Variants in TPGS2 observed in about 807,000 individuals in gnomAD.
The protein encoded by TPGS2 is tubulin polyglutamylase complex subunit 2, also known as polyglutamylase subunit 2.
TPGS2 carries 26 observed loss-of-function variants against 31.1 expected under a neutral mutation model. The ratio of observed to expected loss-of-function variants is 0.84; its 90% CI spans 0.61 to 1.16. TPGS2 has a LOEUF of 1.16. Ranked by LOEUF, TPGS2 falls within the 50% of genes most tolerant of loss-of-function variation. TPGS2 has a pLI of 0.00. For missense variants in TPGS2, 351 were observed against 363.8 expected, an observed-to-expected ratio of 0.96 and a Z score of 0.29; for synonymous variants, 130 against 136.6, an observed-to-expected ratio of 0.95 and a Z score of 0.34.
intron 4 of TPGS2, among the ~76,000 whole-genome samples, chr18:36,802,013 AC>A (rs2044843452): frequency 6.6e-6 from 1 of 152,148 alleles, no homozygotes; most frequent in Non-Finnish European, 1.5e-5. Context: ...GTTCTGTGTA[AC>A]TTTAGATAGC....
At chr18:36,797,133 G>A in intron 6 of TPGS2, 83 bp from the exon 7 acceptor site, 6 of 1,565,960 alleles carry the variant, frequency 3.8e-6, no homozygotes, top group Non-Finnish European at 5.1e-6. Flanking sequence ...ATGCAGGAGA[G>A]TTGGGAACAG....
downstream of TPGS2, among the ~76,000 whole-genome samples, chr18:36,793,414 C>T (rs1600731679): frequency 6.6e-6 from 1 of 152,200 alleles, no homozygotes; most frequent in Non-Finnish European, 1.5e-5. Flanking sequence ...AGAGCCCCAA[C>T]AGGCTGCACT....
intron 5 of TPGS2, among the ~76,000 whole-genome samples, 180 bp downstream of exon 5, chr18:36,800,018 A>G (rs2044725881): frequency 6.6e-6 from 1 of 152,214 alleles, no homozygotes; most frequent in Admixed American, 6.5e-5. Flanking sequence ...AGGACTAATA[A>G]TTAGCCCAAA....
intron 1 of TPGS2, among the ~76,000 whole-genome samples, chr18:36,828,216 ACT>A (rs1239861660): frequency 2.0e-5 from 3 of 151,756 alleles, no homozygotes; most frequent in Non-Finnish European, 4.4e-5. Context: ...TAAAAGAAAA[ACT>A]CTGAGTCATT....
Position 36,794,932 on chromosome 18 carries a change from G to A in TPGS2, c.*1873C>T. 1.0e-6 allele frequency: 1 copy of A among 984,270 alleles called. No individual in the cohort carries two copies. The highest frequency in any genetic ancestry group is 1.2e-6 in the Non-Finnish European group (1 of 829,886). 61.0% of individuals were successfully genotyped at this position (984,270 alleles called of 1,614,324 possible). A position where few individuals can be genotyped will look rare whatever the true frequency, so the allele number is the denominator to read the frequency against. On this transcript the variant is annotated 3_prime_UTR_variant, in exon 7 of 7. Transcript: ENST00000334295. ...AAGTGGTTAGTTTTGGGATTGAAAAGGTAAGAGGTCTCGCTATTTTAAAGC... is the reference window on the plus strand; with the variant it reads ...AAGTGGTTAGTTTTGGGATTGAAAAAGTAAGAGGTCTCGCTATTTTAAAGC...
intron 6 of TPGS2, chr18:36,788,683 T>C (rs2044206570): frequency 6.6e-6 from 1 of 152,188 alleles, no homozygotes; most frequent in South Asian, 2.1e-4. Flanking sequence ...ACCAGTTACC[T>C]CAAAACATGT....
At chr18:36,781,264 C>T (rs72883547), downstream of TPGS2, among the ~76,000 whole-genome samples, 17,995 of 152,198 alleles carry the variant, frequency 0.12, 1,320 homozygotes, top group Admixed American at 0.17. Context: ...TGAGGAACCT[C>T]TGTCTCTGAA....
At position 36,828,781 on chromosome 18, in the gene TPGS2, G is replaced by C; in HGVS notation, c.-14C>G. ...CTCCTCCTCCATGGCTCGCGACCGCGATTCGCGCGCGGCGGGAGCGGGTGG... is the reference window on the plus strand; with the variant it reads ...CTCCTCCTCCATGGCTCGCGACCGCCATTCGCGCGCGGCGGGAGCGGGTGG... On this transcript the variant is annotated 5_prime_UTR_variant, in exon 1 of 7. In the 5' UTR this introduces an upstream ATG that the reference lacks. Coordinates refer to ENST00000334295, the MANE Select transcript of TPGS2 (RefSeq NM_015476.4). 6.2e-7 allele frequency: 1 copy of C among 1,612,180 alleles called. No individual in the cohort carries two copies. The highest frequency in any genetic ancestry group is 8.5e-7 in the Non-Finnish European group (1 of 1,179,376).
intron 4 of TPGS2, among the ~76,000 whole-genome samples, chr18:36,801,440 C>T (rs549433473): frequency 3.3e-5 from 5 of 152,170 alleles, no homozygotes; most frequent in African/African-American, 1.2e-4. Flanking sequence ...TTCAAGCAAT[C>T]CTCCTGCCTC....
intron 2 of TPGS2, among the ~76,000 whole-genome samples, chr18:36,810,436 G>T (rs1486945526): frequency 6.6e-6 from 1 of 152,088 alleles, no homozygotes; most frequent in Non-Finnish European, 1.5e-5. Context: ...CTTTTCCACA[G>T]GGAGCAATCT....
chr18:36,789,950 A>C (rs1327087913), downstream of TPGS2: 1 of 153,296 alleles, frequency 6.5e-6, no homozygotes, highest in Admixed American at 6.5e-5. Flanking sequence ...TCTTAAAAAA[A>C]TTACCCAGTC....
downstream of TPGS2, among the ~76,000 whole-genome samples, chr18:36,792,611 C>G (rs1272034137): frequency 6.6e-6 from 1 of 152,158 alleles, no homozygotes; most frequent in Non-Finnish European, 1.5e-5. Flanking sequence ...GTCACCACTT[C>G]AGTTGATTAA....
chr18:36,802,246 C>T (rs1245544930), intron 4 of TPGS2, among the ~76,000 whole-genome samples: 1 of 152,224 alleles, frequency 6.6e-6, no homozygotes, highest in Non-Finnish European at 1.5e-5. Context: ...CAAGTTTTGG[C>T]AGCCCTGCCT....
At chr18:36,813,502 C>A (rs1417313144) in intron 2 of TPGS2, among the ~76,000 whole-genome samples, 2 of 152,224 alleles carry the variant, frequency 1.3e-5, no homozygotes, top group African/African-American at 4.8e-5. Flanking sequence ...TCCACCCTGT[C>A]ACCTGTTTTT....
chr18:36,822,538 G>C (rs764360925), intron 1 of TPGS2, among the ~76,000 whole-genome samples: 39 of 152,098 alleles, frequency 2.6e-4, no homozygotes, highest in Non-Finnish European at 5.4e-4. Context: ...TTTGAAAATA[G>C]CAAATAACGG....
Position 36,795,893 on chromosome 18 carries a change from A to C in TPGS2, c.*912T>G. The C allele has an allele frequency of 1.0e-6, 1 of 985,460 alleles. No homozygotes were observed. The highest frequency in any genetic ancestry group is 1.2e-6 in the Non-Finnish European group (1 of 829,930). The allele number at this position is 985,460 out of a possible 1,614,324, so 61.0% of individuals were successfully genotyped here. On this transcript the variant is annotated 3_prime_UTR_variant, in exon 7 of 7. Transcript: ENST00000334295. ...CTGTTAACAGTGTCTGGCACCATTAAAACTCTTTCTTTATGAAGAGTTGTG... is the reference window on the plus strand; with the variant it reads ...CTGTTAACAGTGTCTGGCACCATTACAACTCTTTCTTTATGAAGAGTTGTG...
Position 36,795,403 on chromosome 18 carries a change from C to T in TPGS2, c.*1402G>A, listed in dbSNP as rs138228502. 9.2e-3 allele frequency: 9,074 copies of T among 985,342 alleles called. 41 individuals carry two copies. Among genetic ancestry groups the T allele is most frequent in the Non-Finnish European group, 0.01 (8,675 of 829,930 alleles). The allele number at this position is 985,342 out of a possible 1,614,324, so 61.0% of individuals were successfully genotyped here. A position where few individuals can be genotyped will look rare whatever the true frequency, so the allele number is the denominator to read the frequency against. On this transcript the variant is annotated 3_prime_UTR_variant, in exon 7 of 7. Coordinates refer to ENST00000334295, the MANE Select transcript of TPGS2 (RefSeq NM_015476.4). Reference sequence around the variant, plus strand: ...TGTGCAGATGGTAGAGGCCCCTGCACCTCATTCCTCAAAACTCCTAATTCT... The same window carrying T: ...TGTGCAGATGGTAGAGGCCCCTGCATCTCATTCCTCAAAACTCCTAATTCT...
At chr18:36,797,430 C>T (rs927809288) in intron 6 of TPGS2, among the ~76,000 whole-genome samples, 2 of 117,902 alleles carry the variant, frequency 1.7e-5, no homozygotes, top group African/African-American at 5.3e-5. Context: ...TCTGGCAGCA[C>T]CATTCCCCCA....
chr18:36,805,322 G>T, intron 4 of TPGS2, 52 bp downstream of exon 4: 1 of 1,599,980 alleles, frequency 6.3e-7, no homozygotes, highest in Non-Finnish European at 8.6e-7. Flanking sequence ...CTATGCGCCA[G>T]GCATGGAGCT....
Sources: allele counts gnomAD v4.1 joint callset (sites outside exome capture counted in the v4.1 genomes callset), GRCh38; gene constraint gnomAD v4.1.1; transcripts MANE v1.5; gene names NCBI Gene and HGNC (gene_info 2026-07-23, HGNC 2026-07-21).